The following TBC1D2 variants were observed in gnomAD, a reference collection of about 807,000 sequenced individuals.
TBC1D2 encodes TBC1 domain family member 2A.
In TBC1D2, 58 loss-of-function variants were observed where a neutral mutation model predicts 91.1. The observed-to-expected ratio is 0.64, with a 90% CI of 0.52 to 0.79. TBC1D2 has a LOEUF of 0.79. Ranked by LOEUF, TBC1D2 falls within the 30% of genes least tolerant of loss-of-function variation. The probability of loss-of-function intolerance (pLI) is 0.00; values close to 1 mark genes in which losing one functional copy is unlikely to be tolerated. For synonymous variants in TBC1D2, 482 were observed against 511.5 expected (o/e 0.94, Z 0.78); for missense variants, 1,080 against 1,208.3 (o/e 0.89, Z 1.57).
chr9:98,201,819 C>T (rs931276236), intron 10 of TBC1D2, among the ~76,000 whole-genome samples, 155 bp from the exon 11 acceptor site: 1 of 152,190 alleles, frequency 6.6e-6, no homozygotes, highest in African/African-American at 2.4e-5. Flanking sequence ...GAGCCAGGGG[C>T]CAGTCTAGCT....
intron 3 of TBC1D2, chr9:98,235,203 C>CAAA: frequency 1.2e-5 from 3 of 246,846 alleles, no homozygotes; most frequent in Non-Finnish European, 1.6e-5. Flanking sequence ...GACTCCATTT[C>CAAA]AAAAAAAAAA....
chr9:98,255,602 C>G lies in TBC1D2; in HGVS notation c.-61G>C. On this transcript the variant is annotated 5_prime_UTR_variant, in exon 1 of 13. Coordinates refer to ENST00000465784, the MANE Select transcript of TBC1D2 (RefSeq NM_001267571.2). The stretch of plus-strand genomic sequence containing the variant: ...CCGCGGGACCACCAGGGACAAATCT[C>G]GGAGACTCGGCGGGCAGCTTCCCAA... The G allele has an allele frequency of 7.0e-7, 1 of 1,423,856 alleles. No individual in the cohort carries two copies. The highest frequency in any genetic ancestry group is 2.6e-5 in the East Asian group (1 of 39,150). 88.2% of individuals were successfully genotyped at this position (1,423,856 alleles called of 1,614,324 possible). A position where few individuals can be genotyped will look rare whatever the true frequency, so the allele number is the denominator to read the frequency against.
chr9:98,199,460 T>C lies in TBC1D2; in HGVS notation c.2708A>G (p.Tyr903Cys). The C allele has an allele frequency of 6.2e-7, 1 of 1,614,044 alleles. No individual in the cohort carries two copies. The highest frequency in any genetic ancestry group is 8.5e-7 in the Non-Finnish European group (1 of 1,180,008). ...GCGCCGGGATGCCCGCCTCTCCAGG[T>C]ACTCTGCCTTAAGCTGCTCCAGCTC... is the stretch of plus-strand genomic sequence containing the variant. ...LRELEQLKAE[Y>C]LERRASRRRA... The change falls in exon 13 of 13, where the codon TAC (tyrosine) becomes TGC (cysteine). Residue 903 changes from tyrosine to cysteine, a missense_variant. By Grantham distance (194) the Tyr-to-Cys change is radical. Coordinates refer to ENST00000465784, the MANE Select transcript of TBC1D2 (RefSeq NM_001267571.2).
At chr9:98,203,091 T>C in intron 10 of TBC1D2, among the ~76,000 whole-genome samples, 197 bp downstream of exon 10, 1 of 152,276 alleles carries the variant, frequency 6.6e-6, no homozygotes, top group Non-Finnish European at 1.5e-5. Context: ...TCATTCACTA[T>C]CTGAGAATAA....
intron 6 of TBC1D2, 130 bp downstream of exon 6, chr9:98,220,703 T>C: frequency 2.6e-6 from 3 of 1,172,494 alleles, no homozygotes; most frequent in South Asian, 1.5e-5. Flanking sequence ...GTGTTTCTAA[T>C]GTGAATATTC....
intron 8 of TBC1D2, 106 bp from the exon 9 acceptor site, chr9:98,209,250 T>C: frequency 9.1e-7 from 1 of 1,102,178 alleles, no homozygotes; most frequent in East Asian, 2.4e-5. Context: ...CTGCCTTCAC[T>C]GAGGGTTAAC....
chr9:98,239,970 T>C (rs1458516606), intron 3 of TBC1D2, among the ~76,000 whole-genome samples: 2 of 152,224 alleles, frequency 1.3e-5, no homozygotes, highest in Admixed American at 1.3e-4. Context: ...TAGTTGTTCA[T>C]AGTATTCCTC....
At position 98,232,235 on chromosome 9, in the gene TBC1D2, C is replaced by T. The variant is rs973147115; in HGVS notation, c.781+1181G>A. ...AGTGTTATGATGATGGTGACTCATC[C>T]GATATAGCACTGGCCTTCTCTTGGA... On this transcript the variant is annotated intron_variant, in intron 4 of 12. Transcript: ENST00000465784. Among the ~76,000 whole-genome samples, 7 of 151,914 alleles carry T rather than the reference C, an allele frequency of 4.6e-5. No individual in the cohort carries two copies. In the East Asian group the frequency reaches 1.2e-3, roughly 25 times the overall value.
At chr9:98,212,557 A>AGTG (rs1235115905) in intron 7 of TBC1D2, among the ~76,000 whole-genome samples, 2 of 150,904 alleles carry the variant, frequency 1.3e-5, no homozygotes, top group African/African-American at 4.9e-5. Flanking sequence ...GCTGGAGTGC[A>AGTG]GTGGCGCAAT....
chr9:98,211,082 G>A (rs529164982), intron 7 of TBC1D2, among the ~76,000 whole-genome samples: 3 of 152,370 alleles, frequency 2.0e-5, no homozygotes, highest in African/African-American at 7.2e-5. Context: ...GGAGAGGGGT[G>A]TGCAGAGACA....
chr9:98,221,177 G>A lies in TBC1D2; in HGVS notation c.1030C>T (p.Arg344Trp). 1 of 1,559,476 alleles carries A rather than the reference G, an allele frequency of 6.4e-7. No homozygotes were observed. Among genetic ancestry groups the A allele is most frequent in the South Asian group, 1.2e-5 (1 of 85,206 alleles). Residue 344 changes from arginine (R) to tryptophan (W), a missense_variant, in exon 6 of 13, where the codon CGG (arginine) becomes TGG (tryptophan). Physicochemically the swap from Arg to Trp is moderately radical, Grantham distance 101. Coordinates refer to ENST00000465784, the MANE Select transcript of TBC1D2 (RefSeq NM_001267571.2). Reference sequence around the variant, plus strand: ...GCCGCCAGGTATGCGCTGGACGCCCGCTTCTCCTGCTGGGCGGCCTCCAGT... The same window carrying A: ...GCCGCCAGGTATGCGCTGGACGCCCACTTCTCCTGCTGGGCGGCCTCCAGT... ...KALEAAQQEK[R>W]ASSAYLAAAE...
chr9:98,241,889 C>G (rs1829645263), intron 3 of TBC1D2, among the ~76,000 whole-genome samples: 1 of 152,180 alleles, frequency 6.6e-6, no homozygotes, highest in African/African-American at 2.4e-5. Flanking sequence ...CAGGTCATTC[C>G]ATCCAAATGC....
intron 11 of TBC1D2, 66 bp from the exon 12 acceptor site, chr9:98,200,440 G>C (rs1034360236): frequency 3.7e-5 from 56 of 1,493,850 alleles, no homozygotes; most frequent in Non-Finnish European, 5.0e-5. Flanking sequence ...CGGAGGGAGG[G>C]AACCTGACAG....
intron 11 of TBC1D2, 33 bp from the exon 12 acceptor site, chr9:98,200,407 G>C (rs534967432): frequency 3.2e-6 from 5 of 1,561,172 alleles, no homozygotes; most frequent in African/African-American, 1.3e-5. Flanking sequence ...GGTAGGGCAT[G>C]GGGGGGCCAG....
At chr9:98,231,890 A>C (rs1588052712) in intron 4 of TBC1D2, among the ~76,000 whole-genome samples, 1 of 152,206 alleles carries the variant, frequency 6.6e-6, no homozygotes, top group Non-Finnish European at 1.5e-5. Context: ...AGCCAGTCAC[A>C]GCATGGTATA....
At chr9:98,242,108 C>T (rs1829650625) in intron 3 of TBC1D2, among the ~76,000 whole-genome samples, 1 of 152,098 alleles carries the variant, frequency 6.6e-6, no homozygotes. Context: ...ATCTATTTTG[C>T]CTTCTAAGAG....
intron 1 of TBC1D2, 30 bp from the exon 2 acceptor site, chr9:98,251,956 C>T (rs1363414456): frequency 4.4e-6 from 7 of 1,580,930 alleles, no homozygotes; most frequent in Non-Finnish European, 6.0e-6. Flanking sequence ...GTTGGCAAGG[C>T]CCTGTGCCTG....
chr9:98,230,897 A>G (rs1829351743), intron 4 of TBC1D2, among the ~76,000 whole-genome samples: 1 of 152,228 alleles, frequency 6.6e-6, no homozygotes. Flanking sequence ...AACGAACAAA[A>G]CAACAGTGCC....
intron 6 of TBC1D2, among the ~76,000 whole-genome samples, chr9:98,217,522 G>C (rs968023102): frequency 1.3e-5 from 2 of 152,210 alleles, no homozygotes; most frequent in African/African-American, 4.8e-5. Flanking sequence ...ATATTCAAGA[G>C]GTCAGTGATC....
Sources: gnomAD v4.1 joint callset for allele counts (sites outside exome capture counted in the v4.1 genomes callset) on GRCh38, gnomAD v4.1.1 for gene constraint, MANE v1.5 for transcripts, NCBI Gene and HGNC (gene_info 2026-07-23, HGNC 2026-07-21) for gene names.